RORA: variants seen among roughly 807,000 people sequenced by gnomAD.
RORA encodes RAR related orphan receptor A.
RORA carries 7 observed loss-of-function variants against 69.5 expected under a neutral mutation model. The ratio of observed to expected loss-of-function variants is 0.10; its 90% confidence interval spans 0.06 to 0.19. The LOEUF is 0.19. Ranked by LOEUF, RORA falls within the 10% of genes least tolerant of loss-of-function variation. RORA has a pLI of 1.00. For missense variants in RORA, 457 were observed against 663.0 expected, an observed-to-expected ratio of 0.69 and a Z score of 3.41; for synonymous variants, 261 against 240.8, an observed-to-expected ratio of 1.08 and a Z score of -0.78.
At chr15:60,677,400 CTG>C (rs2140746567) in intron 2 of RORA, 1 of 361,054 alleles carries the variant, frequency 2.8e-6, no homozygotes, top group Non-Finnish European at 5.7e-6. Flanking sequence ...CCAACTGGAA[CTG>C]TGCATTGAGA....
At chr15:60,727,287 C>G (rs2071372807) in intron 1 of RORA, among the ~76,000 whole-genome samples, 1 of 152,146 alleles carries the variant, frequency 6.6e-6, no homozygotes, top group Admixed American at 6.5e-5. Flanking sequence ...CGTTTTTAAC[C>G]TTTAATATGA....
intron 1 of RORA, among the ~76,000 whole-genome samples, chr15:61,025,182 A>G (rs1895738985): frequency 6.6e-6 from 1 of 152,158 alleles, no homozygotes; most frequent in Non-Finnish European, 1.5e-5. Flanking sequence ...TGCCCCTGAA[A>G]GTTCTAGCCA....
intron 1 of RORA, among the ~76,000 whole-genome samples, chr15:60,845,265 G>A (rs760071664): frequency 3.9e-5 from 6 of 152,102 alleles, no homozygotes; most frequent in Non-Finnish European, 7.3e-5. Flanking sequence ...TTGATTTATC[G>A]GTGTGTGTCC....
At chr15:61,051,016 G>A (rs939612594) in intron 1 of RORA, among the ~76,000 whole-genome samples, 1 of 152,224 alleles carries the variant, frequency 6.6e-6, no homozygotes, top group Non-Finnish European at 1.5e-5. Context: ...AAGTAGTGGA[G>A]AGGGTAGTGC....
At chr15:61,013,200 A>G (rs1595877582) in intron 1 of RORA, among the ~76,000 whole-genome samples, 1 of 152,226 alleles carries the variant, frequency 6.6e-6, no homozygotes, top group East Asian at 1.9e-4. Context: ...GGAAACGATA[A>G]TATGTATTCA....
At chr15:60,944,335 T>A (rs1342250804) in intron 1 of RORA, among the ~76,000 whole-genome samples, 2 of 152,108 alleles carry the variant, frequency 1.3e-5, no homozygotes, top group Non-Finnish European at 2.9e-5. Flanking sequence ...TTGGCCACAG[T>A]GAACACCGTA....
chr15:61,028,818 A>C (rs1895970094), intron 1 of RORA, among the ~76,000 whole-genome samples: 1 of 152,232 alleles, frequency 6.6e-6, no homozygotes, highest in South Asian at 2.1e-4. Context: ...TGAAGTACTG[A>C]TTCACGCTAA....
At chr15:60,887,962 A>C (rs1366223040) in intron 1 of RORA, among the ~76,000 whole-genome samples, 1 of 152,224 alleles carries the variant, frequency 6.6e-6, no homozygotes, top group African/African-American at 2.4e-5. Context: ...CCCAAAATGA[A>C]GAAAATCTAA....
chr15:60,836,746 C>T (rs1426593565), intron 1 of RORA, among the ~76,000 whole-genome samples: 1 of 152,156 alleles, frequency 6.6e-6, no homozygotes, highest in Non-Finnish European at 1.5e-5. Flanking sequence ...GAATCTCTAC[C>T]ATCAGCCCTC....
chr15:61,025,384 G>A (rs1049829756), intron 1 of RORA, among the ~76,000 whole-genome samples: 2 of 152,168 alleles, frequency 1.3e-5, no homozygotes, highest in African/African-American at 2.4e-5. Flanking sequence ...CAGGTCCCGG[G>A]CCCTAGCTGT....
At chr15:60,638,226 A>G (rs1404320792) in intron 2 of RORA, among the ~76,000 whole-genome samples, 2 of 152,162 alleles carry the variant, frequency 1.3e-5, no homozygotes, top group African/African-American at 4.8e-5. Context: ...CAAAATAAAA[A>G]ATGAGAGAAG....
chr15:60,697,617 G>A (rs1193991310), intron 1 of RORA, among the ~76,000 whole-genome samples: 1 of 151,040 alleles, frequency 6.6e-6, no homozygotes, highest in Non-Finnish European at 1.5e-5. Context: ...ACACATTGCA[G>A]TAATTCTGCC....
chr15:60,823,088 TTTCC>T, intron 1 of RORA, among the ~76,000 whole-genome samples: 1 of 111,360 alleles, frequency 9.0e-6, no homozygotes. Context: ...TCCTTCCTTC[TTTCC>T]TTCCTTCATT....
At position 61,152,509 on chromosome 15, in the gene RORA, T is replaced by C. The variant is rs139843033; in HGVS notation, c.166+76544A>G. 4.8e-3 allele frequency among the ~76,000 whole-genome samples: 730 copies of C among 150,764 alleles called. 6 individuals carry two copies. The highest frequency in any genetic ancestry group is 6.4e-3 in the Admixed American group (96 of 15,094). On this transcript the variant is annotated intron_variant, in intron 1 of 10. Coordinates refer to ENST00000335670, the MANE Select transcript of RORA (RefSeq NM_134261.3). The stretch of plus-strand genomic sequence containing the variant: ...TATATTATAAAATATTATATGTAAA[T>C]ATTATATTGTTAAATATAGTTCAAA...
At chr15:61,207,127 TAC>T (rs766830940) in intron 1 of RORA, among the ~76,000 whole-genome samples, 4 of 151,874 alleles carry the variant, frequency 2.6e-5, no homozygotes, top group African/African-American at 4.8e-5. Context: ...TATACATATA[TAC>T]ACACACACAC....
chr15:61,090,732 T>C (rs897342992), intron 1 of RORA, among the ~76,000 whole-genome samples: 3 of 152,264 alleles, frequency 2.0e-5, no homozygotes, highest in Admixed American at 2.0e-4. Context: ...GTTTAGTTAA[T>C]GAGAATCCCA....
intron 2 of RORA, among the ~76,000 whole-genome samples, chr15:60,666,888 C>T (rs2070390204): frequency 6.6e-6 from 1 of 152,160 alleles, no homozygotes. Context: ...CCTCAGGTGA[C>T]AGAAAACCTT....
chr15:60,730,739 A>G (rs967669066), intron 1 of RORA, among the ~76,000 whole-genome samples: 2 of 152,152 alleles, frequency 1.3e-5, no homozygotes, highest in African/African-American at 4.8e-5. Flanking sequence ...ATATATCTAT[A>G]TTTGGTTACT....
chr15:61,229,005 C>T (rs2080175219), intron 1 of RORA, 48 bp downstream of exon 1: 2 of 1,139,628 alleles, frequency 1.8e-6, no homozygotes, highest in East Asian at 4.5e-5. Context: ...CCCCGCTCCG[C>T]GCCCGGGCTC....
Sources: gnomAD v4.1 joint callset for allele counts (sites outside exome capture counted in the v4.1 genomes callset) on GRCh38, gnomAD v4.1.1 for gene constraint, MANE v1.5 for transcripts, NCBI Gene and HGNC (gene_info 2026-07-23, HGNC 2026-07-21) for gene names.